TBC1D20: variants seen among roughly 807,000 people sequenced by gnomAD.
TBC1D20 encodes chromosome 20 open reading frame 140.
In TBC1D20, 12 loss-of-function variants were observed where a neutral mutation model predicts 41.6. That is an observed-to-expected ratio of 0.29 (90% CI 0.18 to 0.47). The LOEUF is 0.47. TBC1D20 is among the 20% of genes least tolerant of loss of function. The probability of loss-of-function intolerance (pLI) is 1.00; values close to 1 mark genes in which losing one functional copy is unlikely to be tolerated. For missense variants in TBC1D20, 421 were observed against 517.4 expected (o/e 0.81, Z 1.81); for synonymous variants, 205 against 204.8 (o/e 1.00, Z -0.01).
chr20:446,136 C>A (rs2017327499), intron 2 of TBC1D20, among the ~76,000 whole-genome samples: 1 of 152,266 alleles, frequency 6.6e-6, no homozygotes, highest in Non-Finnish European at 1.5e-5. Context: ...GGCATTTTGC[C>A]ATGATGGCAG....
Position 439,015 on chromosome 20 carries a change from A to G in TBC1D20, c.956+93T>C. ...GGCCTAAGCTCAGATCTCTGGAAAC[A>G]TGCCCCAACCCTATCCCACCAGACA... is the stretch of plus-strand genomic sequence containing the variant. On this transcript the variant is annotated intron_variant, in intron 7 of 7. Transcript: ENST00000354200. The surrounding 1 kb of genome is among the most constrained non-coding windows in gnomAD (Gnocchi z 4.6). 6.7e-7 allele frequency: 1 copy of G among 1,498,746 alleles called. No individual in the cohort carries two copies. The highest frequency in any genetic ancestry group is 9.0e-7 in the Non-Finnish European group (1 of 1,110,818). The allele number at this position is 1,498,746 out of a possible 1,614,324, so 92.8% of individuals were successfully genotyped here. A position where few individuals can be genotyped will look rare whatever the true frequency, so the allele number is the denominator to read the frequency against.
intron 1 of TBC1D20, among the ~76,000 whole-genome samples, chr20:461,507 G>C (rs534552034): frequency 2.0e-5 from 3 of 152,138 alleles, no homozygotes; most frequent in South Asian, 2.1e-4. Flanking sequence ...TCACAGGCTC[G>C]AGCCTCCACA....
rs1600326999 is a variant in TBC1D20, at chr20:438,443, A to G, written c.*143T>C. The G allele has an allele frequency of 8.9e-6, 9 of 1,015,196 alleles. No homozygotes were observed. In the East Asian group the frequency reaches 2.2e-4, roughly 25 times the overall value. 62.9% of individuals were successfully genotyped at this position (1,015,196 alleles called of 1,614,324 possible). On this transcript the variant is annotated 3_prime_UTR_variant, in exon 8 of 8. Coordinates refer to ENST00000354200, the MANE Select transcript of TBC1D20 (RefSeq NM_144628.4). ...TGCTACTGGCCTCTGAAGTAAAGGC[A>G]AACACAAACGGGCAGGGCAGGGTGG...
chr20:440,353 G>T lies in TBC1D20; in HGVS notation c.663C>A (p.Leu221=), dbSNP rs751376538. Residue 221 remains leucine (L), a synonymous_variant, in exon 6 of 8, where the codon CTC becomes CTA. Coordinates refer to ENST00000354200, the MANE Select transcript of TBC1D20 (RefSeq NM_144628.4). ...EVGTIFALSW[L]ITWFGHVLSD... ...ACAGGACATGCCCAAACCAGGTGAT[G>T]AGCCAGCTGAGGGCAAAGATGGTCC... 9.9e-6 allele frequency: 16 copies of T among 1,614,170 alleles called. No individual in the cohort carries two copies. Among genetic ancestry groups the T allele is most frequent in the Non-Finnish European group, 1.4e-5 (16 of 1,180,030 alleles).
At chr20:451,573 A>G (rs2017443026) in intron 1 of TBC1D20, among the ~76,000 whole-genome samples, 1 of 152,094 alleles carries the variant, frequency 6.6e-6, no homozygotes, top group Non-Finnish European at 1.5e-5. Flanking sequence ...AAATAAATAA[A>G]TTCTCTCGGC....
chr20:454,462 G>A (rs890232831), intron 1 of TBC1D20, among the ~76,000 whole-genome samples: 20 of 152,138 alleles, frequency 1.3e-4, no homozygotes, highest in African/African-American at 4.8e-4. Flanking sequence ...TATTTATGTA[G>A]TATATATTAG....
At chr20:446,188 G>A (rs1256847888) in intron 2 of TBC1D20, among the ~76,000 whole-genome samples, 1 of 152,274 alleles carries the variant, frequency 6.6e-6, no homozygotes, top group Non-Finnish European at 1.5e-5. Context: ...GAGCAGCAGA[G>A]TGGATTCACT....
At chr20:444,426 A>T (rs2122392903) in intron 3 of TBC1D20, among the ~76,000 whole-genome samples, 1 of 152,348 alleles carries the variant, frequency 6.6e-6, no homozygotes, top group African/African-American at 2.4e-5. Flanking sequence ...GAGTTGCCAG[A>T]GGAAGAAAAA....
At chr20:449,153 CTT>C (rs757303718) in intron 1 of TBC1D20, among the ~76,000 whole-genome samples, 3 of 93,626 alleles carry the variant, frequency 3.2e-5, no homozygotes, top group African/African-American at 1.3e-4. Context: ...CCTATATGTA[CTT>C]TTTTTTTTTT....
chr20:456,987 A>AGT (rs2017552291), intron 1 of TBC1D20, among the ~76,000 whole-genome samples: 1 of 136,964 alleles, frequency 7.3e-6, no homozygotes, highest in Non-Finnish European at 1.5e-5. Context: ...CCCAGGATGG[A>AGT]GTGCAACGGC....
intron 1 of TBC1D20, among the ~76,000 whole-genome samples, chr20:458,608 C>T (rs1252230768): frequency 6.6e-6 from 1 of 152,170 alleles, no homozygotes; most frequent in African/African-American, 2.4e-5. Flanking sequence ...GCCACCATAC[C>T]TGGCCTCCAA....
chr20:456,617 C>T (rs1437908021), intron 1 of TBC1D20, among the ~76,000 whole-genome samples: 8 of 152,010 alleles, frequency 5.3e-5, no homozygotes, highest in African/African-American at 1.4e-4. Flanking sequence ...CAGGCTGGAG[C>T]GCAGTGTTGC....
chr20:456,769 T>C (rs145291949), intron 1 of TBC1D20, among the ~76,000 whole-genome samples: 45 of 150,942 alleles, frequency 3.0e-4, no homozygotes, highest in Non-Finnish European at 4.1e-4. Flanking sequence ...TTTTGCCATG[T>C]TGGCCAGGCT....
At chr20:453,153 C>CAAAAAAAA (rs71191943) in intron 1 of TBC1D20, among the ~76,000 whole-genome samples, 24 of 44,858 alleles carry the variant, frequency 5.4e-4, no homozygotes, top group East Asian at 1.1e-3. Context: ...AACTCCGTTT[C>CAAAAAAAA]AAAAAAAAAA....
At chr20:457,094 G>A (rs2017555045) in intron 1 of TBC1D20, among the ~76,000 whole-genome samples, 3 of 151,792 alleles carry the variant, frequency 2.0e-5, no homozygotes, top group Non-Finnish European at 1.5e-5. Flanking sequence ...GCACCACCAT[G>A]CCTGGCTAAT....
intron 1 of TBC1D20, among the ~76,000 whole-genome samples, chr20:460,353 G>C (rs1568469702): frequency 6.6e-6 from 1 of 151,206 alleles, no homozygotes; most frequent in East Asian, 1.9e-4. Flanking sequence ...GAGCACTTAA[G>C]TCCAGGAGTT....
chr20:440,200 G>A, intron 6 of TBC1D20, 48 bp downstream of exon 6: 2 of 1,598,410 alleles, frequency 1.3e-6, no homozygotes, highest in Non-Finnish European at 1.7e-6. Context: ...TGACCACAGT[G>A]GGATGGGTGA....
At position 436,228 on chromosome 20, in the gene TBC1D20, A is replaced by G. The variant is rs2017115608; in HGVS notation, c.*2358T>C. On this transcript the variant is annotated 3_prime_UTR_variant, in exon 8 of 8. Coordinates refer to ENST00000354200, the MANE Select transcript of TBC1D20 (RefSeq NM_144628.4). ...TGACATGGAAGGTGGGAGCATCCAGATCAGAGACCATTCCCACTGAGCGGT... is the reference window on the plus strand; with the variant it reads ...TGACATGGAAGGTGGGAGCATCCAGGTCAGAGACCATTCCCACTGAGCGGT... 6.6e-6 allele frequency: 1 copy of G among 152,260 alleles called. No individual in the cohort carries two copies. Among genetic ancestry groups the G allele is most frequent in the Non-Finnish European group, 1.5e-5 (1 of 68,066 alleles). 9.4% of individuals were successfully genotyped at this position (152,260 alleles called of 1,614,324 possible). A position where few individuals can be genotyped will look rare whatever the true frequency, so the allele number is the denominator to read the frequency against.
rs2017124300 is a variant in TBC1D20 at position 436,696 on chromosome 20, T to C, written c.*1890A>G. On this transcript the variant is annotated 3_prime_UTR_variant, in exon 8 of 8. Transcript: ENST00000354200. ...TGCCGCATCATCACCTCTGGAAGAA[T>C]TTCCTTTGCCCTGATGAATACACCA... The C allele has an allele frequency of 6.5e-6, 1 of 153,700 alleles. No individual in the cohort carries two copies. Among genetic ancestry groups the C allele is most frequent in the Non-Finnish European group, 1.5e-5 (1 of 68,032 alleles). The allele number at this position is 153,700 out of a possible 1,614,324, so 9.5% of individuals were successfully genotyped here. A position where few individuals can be genotyped will look rare whatever the true frequency, so the allele number is the denominator to read the frequency against.
Sources: gnomAD v4.1 joint callset for allele counts (sites outside exome capture counted in the v4.1 genomes callset) on GRCh38, gnomAD v4.1.1 for gene constraint, Gnocchi (gnomAD v3.1) non-coding constraint, MANE v1.5 for transcripts, NCBI Gene and HGNC (gene_info 2026-07-23, HGNC 2026-07-21) for gene names.